Variants in MAGEC1 observed in about 807,000 individuals in gnomAD.
The protein encoded by MAGEC1 is MAGE family member C1.
MAGEC1 carries 3 observed loss-of-function variants against 1.5 expected under a neutral mutation model. The observed-to-expected ratio is 1.97, with a 90% CI of 0.90 to 5.10. The LOEUF is 5.10. Among genes scored for constraint, MAGEC1 ranks in the 30% most tolerant of loss-of-function variants. The pLI is 0.02. For synonymous variants in MAGEC1, 357 were observed against 310.4 expected (o/e 1.15, Z -1.58); for missense variants, 985 against 803.1 (o/e 1.23, Z -2.74).
Position 141,906,526 on chromosome X carries a change from G to C in MAGEC1, c.1122G>C (p.Gln374His). Residue 374 changes from glutamine to histidine, a missense_variant, in exon 4 of 4, where the codon CAG becomes CAC. Gln to His is a conservative substitution (Grantham distance 24). Coordinates refer to ENST00000285879, the MANE Select transcript of MAGEC1 (RefSeq NM_005462.5). ...AGGGTTTTCCCCAGTCTCCTCTCCA[G>C]ATTCCTGGGAGCCCCTCCTTCTCCT... ...TFEGFPQSPL[Q>H]IPGSPSFSST... 8.3e-7 allele frequency: 1 copy of C among 1,197,646 alleles called. No homozygotes were observed. Among genetic ancestry groups the C allele is most frequent in the African/African-American group, 1.8e-5 (1 of 56,075 alleles).
rs745439865 is a variant in MAGEC1 at position 141,908,559 on chromosome X, A to G, written c.3155A>G (p.His1052Arg). The change falls in exon 4 of 4, where the codon CAT (histidine) becomes CGT (arginine). Residue 1052 changes from histidine (H) to arginine (R), a missense_variant. Physicochemically the swap from His to Arg is conservative, Grantham distance 29. Coordinates refer to ENST00000285879, the MANE Select transcript of MAGEC1 (RefSeq NM_005462.5). The stretch of plus-strand genomic sequence containing the variant: ...CTCACTAAAGTTTGGGTGCAGGAAC[A>G]TTACCTAGAGTACCGGGAGGTGCCC... ...ELLTKVWVQEHYLEYREVPNS... is the reference protein window; with the variant it reads ...ELLTKVWVQERYLEYREVPNS... 8 of 1,197,890 alleles carry G rather than the reference A, an allele frequency of 6.7e-6. No homozygotes were observed. Among genetic ancestry groups the G allele is most frequent in the African/African-American group, 1.7e-5 (1 of 57,369 alleles).
In MAGEC1 at chrX:141,905,809, C is replaced by T. The variant is rs2062483555; in HGVS notation, c.405C>T (p.Phe135=). Residue 135 remains phenylalanine (F), a synonymous_variant, in exon 4 of 4, where the codon TTC becomes TTT. Coordinates refer to ENST00000285879, the MANE Select transcript of MAGEC1 (RefSeq NM_005462.5). ...QSPLQNPASS[F]FSSALLSIFQ... ...CTCTGCAGAATCCTGCGAGTTCCTT[C>T]TTCTCCTCTGCTTTATTGAGTATTT... is the stretch of plus-strand genomic sequence containing the variant. 6 of 1,212,374 alleles carry T rather than the reference C, an allele frequency of 4.9e-6. No individual in the cohort carries two copies. Among genetic ancestry groups the T allele is most frequent in the Non-Finnish European group, 6.7e-6 (6 of 895,640 alleles).
chrX:141,905,736 C>A lies in MAGEC1; in HGVS notation c.332C>A (p.Pro111His), dbSNP rs770742559. The change falls in exon 4 of 4, where the codon CCT (proline) becomes CAT (histidine). Residue 111 changes from proline to histidine, a missense_variant. Physicochemically the swap from Pro to His is moderately conservative, Grantham distance 77. Coordinates refer to ENST00000285879, the MANE Select transcript of MAGEC1 (RefSeq NM_005462.5). Reference protein sequence around the residue: ...SSPEGKDSLSPLEISQSPPEG... With the variant: ...SSPEGKDSLSHLEISQSPPEG... ...CCTGAGGGGAAGGACTCCCTGTCTCCTCTAGAGATTTCTCAGAGCCCTCCT... is the reference window on the plus strand; with the variant it reads ...CCTGAGGGGAAGGACTCCCTGTCTCATCTAGAGATTTCTCAGAGCCCTCCT... 1.7e-6 allele frequency: 2 copies of A among 1,210,615 alleles called. No homozygotes were observed. Among genetic ancestry groups the A allele is most frequent in the Admixed American group, 2.2e-5 (1 of 45,953 alleles).
In MAGEC1 at chrX:141,906,702, G is replaced by C. The variant is rs760528919; in HGVS notation, c.1298G>C (p.Ser433Thr). 19 of 1,201,742 alleles carry C rather than the reference G, an allele frequency of 1.6e-5. No homozygotes were observed. The highest frequency in any genetic ancestry group is 2.3e-4 in the Middle Eastern group (1 of 4,293). Residue 433 changes from serine (S) to threonine (T), a missense_variant, in exon 4 of 4, where the codon AGT (serine) becomes ACT (threonine). Coordinates refer to ENST00000285879, the MANE Select transcript of MAGEC1 (RefSeq NM_005462.5). ...ILQSSPESAQ[S>T]AFEGFPQSPL... ...CAGAGTTCTCCTGAGAGTGCTCAAA[G>C]TGCTTTTGAGGGTTTTCCCCAGTCT...
rs2124153589 is a variant in MAGEC1 at position 141,908,438 on chromosome X, A to T, written c.3034A>T (p.Thr1012Ser). Residue 1012 changes from threonine (T) to serine (S), a missense_variant, in exon 4 of 4, where the codon ACC becomes TCC. Physicochemically the swap from Thr to Ser is moderately conservative, Grantham distance 58. Transcript: ENST00000285879. The part of the protein sequence containing the change: ...LILSIIFIKG[T>S]YASEEVIWDV... ...TCTGAGTATCATCTTCATAAAGGGC[A>T]CCTATGCCTCTGAGGAGGTCATCTG... The T allele has an allele frequency of 1.7e-6, 2 of 1,210,082 alleles. No individual in the cohort carries two copies. Among genetic ancestry groups the T allele is most frequent in the East Asian group, 5.9e-5 (2 of 33,793 alleles).
rs1926965205 is a variant in MAGEC1, at chrX:141,907,273, TTC to T, written c.1874_1875del (p.Leu625ProfsTer21). 2 of 1,210,879 alleles carry T rather than the reference TTC, an allele frequency of 1.7e-6. No individual in the cohort carries two copies. The highest frequency in any genetic ancestry group is 2.2e-6 in the Non-Finnish European group (2 of 895,122). On this transcript the variant is annotated frameshift_variant, in exon 4 of 4. Transcript: ENST00000285879. LOFTEE classifies it low-confidence loss of function (END_TRUNC). ...SPLQGEEFQSSLQSPVSICSS... is the reference protein window; with the variant it reads ...SPLQGEEFQSXLQSPVSICSS... ...CTCTTCAGGGGGAGGAATTCCAGTCTTCTCTCCAGAGCCCTGTGAGCATCTGC... is the reference window on the plus strand; with the variant it reads ...CTCTTCAGGGGGAGGAATTCCAGTCTTCTCCAGAGCCCTGTGAGCATCTGC...
chrX:141,904,677 G>A (rs1439483847), intron 1 of MAGEC1, 40 bp from the exon 2 acceptor site: 2 of 191,239 alleles, frequency 1.0e-5, no homozygotes, highest in African/African-American at 2.9e-5. Context: ...AGCCCCAGCT[G>A]CCGTCTTAGC....
Position 141,906,731 on chromosome X carries a change from C to G in MAGEC1, c.1327C>G (p.Leu443Val), listed in dbSNP as rs62611966. 117,850 of 1,201,732 alleles carry G rather than the reference C, an allele frequency of 0.098. 4,875 individuals are homozygous for G. The highest frequency in any genetic ancestry group is 0.14 in the South Asian group (7,650 of 56,132). Reference sequence around the variant, plus strand: ...TTTTGAGGGTTTTCCCCAGTCTCCTCTCCAGATTCCTGTGAGCTCCTCTTT... The same window carrying G: ...TTTTGAGGGTTTTCCCCAGTCTCCTGTCCAGATTCCTGTGAGCTCCTCTTT... Reference protein sequence around the residue: ...SAFEGFPQSPLQIPVSSSFSY... With the variant: ...SAFEGFPQSPVQIPVSSSFSY... The change falls in exon 4 of 4, where the codon CTC becomes GTC. Residue 443 changes from leucine (L) to valine (V), a missense_variant. By Grantham distance (32) the Leu-to-Val change is conservative. Transcript: ENST00000285879.
chrX:141,904,870 C>A, intron 2 of MAGEC1, 56 bp downstream of exon 2: 1 of 526,757 alleles, frequency 1.9e-6, no homozygotes, highest in African/African-American at 2.3e-5. Flanking sequence ...ACAGGGCAGA[C>A]CTGGCAGCAC....
At position 141,907,013 on chromosome X, in the gene MAGEC1, C is replaced by T. The variant is rs749947117; in HGVS notation, c.1609C>T (p.Pro537Ser). 11 of 1,211,899 alleles carry T rather than the reference C, an allele frequency of 9.1e-6. No homozygotes were observed. The South Asian group carries it at 1.8e-4, about 19-fold the overall frequency. The change falls in exon 4 of 4, where the codon CCT (proline) becomes TCT (serine). Residue 537 changes from proline (P) to serine (S), a missense_variant. Transcript: ENST00000285879. ...HSPLQIVPSLPEWEDSLSPHY... is the reference protein window; with the variant it reads ...HSPLQIVPSLSEWEDSLSPHY... Reference sequence around the variant, plus strand: ...TCCTCTCCAGATTGTTCCAAGTCTTCCTGAGTGGGAGGACTCCCTGTCTCC... The same window carrying T: ...TCCTCTCCAGATTGTTCCAAGTCTTTCTGAGTGGGAGGACTCCCTGTCTCC...
Position 141,908,734 on chromosome X carries a change from G to A in MAGEC1, c.3330G>A (p.Val1110=), listed in dbSNP as rs1268030843. The A allele has an allele frequency of 1.2e-5, 14 of 1,209,623 alleles. No homozygotes were observed. Among genetic ancestry groups the A allele is most frequent in the Non-Finnish European group, 1.6e-5 (14 of 894,820 alleles). ...CTTACAAGGATGCTTTGAAAGATGTGGAAGAGAGAGCCCAGGCCATAATTG... is the reference window on the plus strand; with the variant it reads ...CTTACAAGGATGCTTTGAAAGATGTAGAAGAGAGAGCCCAGGCCATAATTG... The part of the protein sequence containing the change: ...PSSYKDALKD[V]EERAQAIIDT... The change falls in exon 4 of 4, where the codon GTG becomes GTA. Residue 1110 remains valine, a synonymous_variant. Coordinates refer to ENST00000285879, the MANE Select transcript of MAGEC1 (RefSeq NM_005462.5).
chrX:141,908,756 A>G lies in MAGEC1; in HGVS notation c.3352A>G (p.Ile1118Val). The part of the protein sequence containing the change: ...KDVEERAQAI[I>V]DTTDDSTATE... Reference sequence around the variant, plus strand: ...TGTGGAAGAGAGAGCCCAGGCCATAATTGACACCACAGATGATTCGACTGC... The same window carrying G: ...TGTGGAAGAGAGAGCCCAGGCCATAGTTGACACCACAGATGATTCGACTGC... Residue 1118 changes from isoleucine to valine, a missense_variant, in exon 4 of 4, where the codon ATT (isoleucine) becomes GTT (valine). Physicochemically the swap from Ile to Val is conservative, Grantham distance 29 (BLOSUM62 3). Transcript: ENST00000285879. 6 of 1,211,122 alleles carry G rather than the reference A, an allele frequency of 5.0e-6. No individual in the cohort carries two copies. Among genetic ancestry groups the G allele is most frequent in the Non-Finnish European group, 6.7e-6 (6 of 894,984 alleles).
Position 141,905,595 on chromosome X carries a change from C to T in MAGEC1, c.191C>T (p.Ser64Leu), listed in dbSNP as rs757690163. Residue 64 changes from serine (S) to leucine (L), a missense_variant, in exon 4 of 4, where the codon TCG (serine) becomes TTG (leucine). Transcript: ENST00000285879. ...PQSRSEGEDS[S>L]DPLQRPPEGK... is the part of the protein sequence containing the mutation. ...AGTCGTTCTGAGGGGGAGGACTCCT[C>T]GGATCCTCTCCAGAGACCTCCTGAG... is the stretch of plus-strand genomic sequence containing the variant. 1.5e-5 allele frequency: 18 copies of T among 1,205,293 alleles called. No homozygotes were observed. Among genetic ancestry groups the T allele is most frequent in the Non-Finnish European group, 2.0e-5 (18 of 893,593 alleles).
Position 141,907,909 on chromosome X carries a change from C to G in MAGEC1, c.2505C>G (p.Pro835=). The G allele has an allele frequency of 8.3e-7, 1 of 1,211,014 alleles. No individual in the cohort carries two copies. Among genetic ancestry groups the G allele is most frequent in the Non-Finnish European group, 1.1e-6 (1 of 895,054 alleles). Residue 835 remains proline, a synonymous_variant, in exon 4 of 4, where the codon CCC becomes CCG. Transcript: ENST00000285879. The part of the protein sequence containing the change: ...LSQSSPVSSF[P]SSTSSSLSKS... Reference sequence around the variant, plus strand: ...AGAGTTCTCCTGTGAGCTCCTTCCCCTCCTCCACTTCATCGAGTCTTTCCA... The same window carrying G: ...AGAGTTCTCCTGTGAGCTCCTTCCCGTCCTCCACTTCATCGAGTCTTTCCA...
In MAGEC1 at chrX:141,906,100, T is replaced by C. The variant is rs113166002; in HGVS notation, c.696T>C (p.Pro232=). The C allele has an allele frequency of 1.1e-6, 1 of 930,100 alleles. No homozygotes were observed. The highest frequency in any genetic ancestry group is 1.5e-6 in the Non-Finnish European group (1 of 673,571). The allele number at this position is 930,100 out of a possible 1,213,427, so 76.7% of individuals were successfully genotyped here. Residue 232 remains proline (P), a synonymous_variant, in exon 4 of 4, where the codon CCT becomes CCC. Coordinates refer to ENST00000285879, the MANE Select transcript of MAGEC1 (RefSeq NM_005462.5). ...CTTTTGAGGGTTTTGCCCAGTCTCC[T>C]CTCCAGATTCCTGTGAGCCCCTCCT... ...QSTFEGFAQS[P]LQIPVSPSSS...
rs767896828 is a variant in MAGEC1, at chrX:141,908,811, C to G, written c.3407C>G (p.Ser1136Cys). Residue 1136 changes from serine to cysteine, a missense_variant, in exon 4 of 4, where the codon TCC becomes TGC. Physicochemically the swap from Ser to Cys is moderately radical, Grantham distance 112. Coordinates refer to ENST00000285879, the MANE Select transcript of MAGEC1 (RefSeq NM_005462.5). The stretch of plus-strand genomic sequence containing the variant: ...GAAAGTGCAAGCTCCAGTGTCATGT[C>G]CCCCAGCTTCTCTTCTGAGTGAAGT... ...ATESASSSVMSPSFSSE is the reference protein window; with the variant it reads ...ATESASSSVMCPSFSSE The G allele has an allele frequency of 8.4e-7, 1 of 1,195,926 alleles. No homozygotes were observed. Among genetic ancestry groups the G allele is most frequent in the Non-Finnish European group, 1.1e-6 (1 of 887,855 alleles).
Position 141,905,888 on chromosome X carries a change from G to T in MAGEC1, c.484G>T (p.Val162Phe), listed in dbSNP as rs80336160. The T allele has an allele frequency of 6.8e-6, 8 of 1,181,804 alleles. No individual in the cohort carries two copies. The Admixed American group carries it at 6.9e-5, about 10-fold the overall frequency. ...QSPFEGFPQS[V>F]LQIPVSAASS... ...TCCTTTTGAGGGTTTTCCCCAGTCT[G>T]TTCTCCAGATTCCTGTGAGCGCCGC... is the stretch of plus-strand genomic sequence containing the variant. Residue 162 changes from valine (V) to phenylalanine (F), a missense_variant, in exon 4 of 4, where the codon GTT becomes TTT. Val to Phe is a conservative substitution (Grantham distance 50, BLOSUM62 -1). Coordinates refer to ENST00000285879, the MANE Select transcript of MAGEC1 (RefSeq NM_005462.5).
At position 141,908,664 on chromosome X, in the gene MAGEC1, T is replaced by G; in HGVS notation, c.3260T>G (p.Phe1087Cys). 1 of 1,211,625 alleles carries G rather than the reference T, an allele frequency of 8.3e-7. No homozygotes were observed. The highest frequency in any genetic ancestry group is 1.1e-6 in the Non-Finnish European group (1 of 895,395). ...GTCATTAAGAGGAAAGTAGTAGAGT[T>G]TTTGGCCATGCTAAAGAATACCGTC... Reference protein sequence around the residue: ...SEVIKRKVVEFLAMLKNTVPI... With the variant: ...SEVIKRKVVECLAMLKNTVPI... The change falls in exon 4 of 4, where the codon TTT becomes TGT. Residue 1087 changes from phenylalanine to cysteine, a missense_variant. Coordinates refer to ENST00000285879, the MANE Select transcript of MAGEC1 (RefSeq NM_005462.5).
Position 141,906,052 on chromosome X carries a change from T to G in MAGEC1, c.648T>G (p.Ser216Arg). 1 of 1,165,682 alleles carries G rather than the reference T, an allele frequency of 8.6e-7. No homozygotes were observed. Among genetic ancestry groups the G allele is most frequent in the Non-Finnish European group, 1.2e-6 (1 of 860,597 alleles). ...CCACTTTATTGAGTATTTTCCAGAGTTCCCCTGAGAGAACTCAGAGTACTT... is the reference window on the plus strand; with the variant it reads ...CCACTTTATTGAGTATTTTCCAGAGGTCCCCTGAGAGAACTCAGAGTACTT... Reference protein sequence around the residue: ...FSSTLLSIFQSSPERTQSTFE... With the variant: ...FSSTLLSIFQRSPERTQSTFE... Residue 216 changes from serine to arginine, a missense_variant, in exon 4 of 4, where the codon AGT (serine) becomes AGG (arginine). Ser to Arg is a moderately radical substitution (Grantham distance 110). Transcript: ENST00000285879.
Sources: allele counts gnomAD v4.1 joint callset, GRCh38; gene constraint gnomAD v4.1.1; transcripts MANE v1.5; gene names NCBI Gene and HGNC (gene_info 2026-07-23, HGNC 2026-07-21).